Variants in CSMD1 observed in about 807,000 individuals in gnomAD.
The protein encoded by CSMD1 is CUB and sushi domain-containing protein 1.
A neutral mutation model predicts 417.5 loss-of-function variants in CSMD1; 213 were observed. The ratio of observed to expected loss-of-function variants is 0.51; its 90% CI spans 0.46 to 0.57. The LOEUF (loss-of-function observed/expected upper bound fraction) is 0.57, where lower values mean the gene tolerates loss of function less well. CSMD1 is among the 20% of genes least tolerant of loss of function. The probability of loss-of-function intolerance (pLI) is 0.00; values close to 1 mark genes in which losing one functional copy is unlikely to be tolerated. For synonymous variants in CSMD1, 2,862 were observed against 1,736.8 expected, an observed-to-expected ratio of 1.65 and a Z score of -16.11; for missense variants, 6,923 against 4,529.7, an observed-to-expected ratio of 1.53 and a Z score of -15.17.
At chr8:3,698,339 T>G (rs1362822704) in intron 7 of CSMD1, among the ~76,000 whole-genome samples, 1 of 152,358 alleles carries the variant, frequency 6.6e-6, no homozygotes, top group Non-Finnish European at 1.5e-5. Flanking sequence ...AACAGGGTCT[T>G]TAACAATTGC....
At chr8:3,125,953 G>T (rs1191018811) in intron 41 of CSMD1, among the ~76,000 whole-genome samples, 1 of 152,104 alleles carries the variant, frequency 6.6e-6, no homozygotes, top group Non-Finnish European at 1.5e-5. Context: ...CTCCAGCATG[G>T]GTGACAGAGT....
intron 3 of CSMD1, among the ~76,000 whole-genome samples, chr8:4,292,695 A>C (rs1015757055): frequency 6.6e-6 from 1 of 152,154 alleles, no homozygotes; most frequent in Non-Finnish European, 1.5e-5. Flanking sequence ...AAAATGATTC[A>C]GTTTATTTTT....
At chr8:4,182,718 G>T (rs765739863) in intron 3 of CSMD1, among the ~76,000 whole-genome samples, 1 of 151,928 alleles carries the variant, frequency 6.6e-6, no homozygotes, top group Non-Finnish European at 1.5e-5. Context: ...GAAAGAAAAA[G>T]AACAGCTATA....
At chr8:3,412,424 T>G (rs535356421) in intron 12 of CSMD1, among the ~76,000 whole-genome samples, 1 of 152,100 alleles carries the variant, frequency 6.6e-6, no homozygotes, top group Non-Finnish European at 1.5e-5. Flanking sequence ...GTGAGGGATA[T>G]AGAAACGTTC....
intron 25 of CSMD1, among the ~76,000 whole-genome samples, chr8:3,296,773 T>TGGA (rs1390564909): frequency 6.6e-6 from 1 of 152,026 alleles, no homozygotes; most frequent in Non-Finnish European, 1.5e-5. Flanking sequence ...ACTGGAAAAG[T>TGGA]GGAGTTGTCA....
At position 3,097,010 on chromosome 8, in the gene CSMD1, G is replaced by A. The variant is rs1163788129; in HGVS notation, c.6977C>T (p.Thr2326Ile). The A allele has an allele frequency of 6.5e-7, 1 of 1,549,826 alleles. No homozygotes were observed. Among genetic ancestry groups the A allele is most frequent in the South Asian group, 1.2e-5 (1 of 82,762 alleles). ...ACTGAGAATGACTCCCGATGATCCA[G>A]TCCGGACTTCATTTGCTGGGCATTG... ...EAQCPANEVR[T>I]GSSGVILSPG... The change falls in exon 47 of 70, where the codon ACT (threonine) becomes ATT (isoleucine). Residue 2326 changes from threonine to isoleucine, a missense_variant. Thr to Ile is a moderately conservative substitution (Grantham distance 89). Transcript: ENST00000635120.
At position 3,018,782 on chromosome 8, in the gene CSMD1, G is replaced by A. The variant is rs192019810; in HGVS notation, c.7856-132C>T. On this transcript the variant is annotated intron_variant, in intron 51 of 69. Transcript: ENST00000635120. ...AGTCTTAATTTTCACTAAGAACATG[G>A]TTGAGAGTGTCTGCTTAGGGCTGGA... 207 of 784,116 alleles carry A rather than the reference G, an allele frequency of 2.6e-4. No individual in the cohort carries two copies. In the African/African-American group the frequency reaches 3.2e-3, roughly 12 times the overall value. The allele number at this position is 784,116 out of a possible 1,614,324, so 48.6% of individuals were successfully genotyped here.
At chr8:3,326,983 C>T (rs906225020) in intron 23 of CSMD1, among the ~76,000 whole-genome samples, 1 of 151,634 alleles carries the variant, frequency 6.6e-6, no homozygotes, top group Non-Finnish European at 1.5e-5. Flanking sequence ...TCAAGACCTG[C>T]CTGGGCAATA....
At position 4,766,863 on chromosome 8, in the gene CSMD1, T is replaced by A. The variant is rs185769858; in HGVS notation, c.86-129305A>T. ...ATGATTTCTCATATGTATAAATATA[T>A]AAATATACATTAAATCTTATGTTGA... On this transcript the variant is annotated intron_variant, in intron 1 of 69. Coordinates refer to ENST00000635120, the MANE Select transcript of CSMD1 (RefSeq NM_033225.6). Among the ~76,000 whole-genome samples the A allele has an allele frequency of 3.2e-3, 491 of 152,330 alleles. 2 individuals carry two copies. Among genetic ancestry groups the A allele is most frequent in the Admixed American group, 6.5e-3 (100 of 15,300 alleles).
At chr8:3,817,323 C>A (rs1450860619) in intron 5 of CSMD1, among the ~76,000 whole-genome samples, 5 of 117,666 alleles carry the variant, frequency 4.2e-5, no homozygotes, top group Non-Finnish European at 8.1e-5. Context: ...CTGTGTCACC[C>A]AGGCTGGAGT....
intron 3 of CSMD1, among the ~76,000 whole-genome samples, chr8:4,276,457 C>G (rs1447577482): frequency 6.6e-6 from 1 of 152,114 alleles, no homozygotes; most frequent in Non-Finnish European, 1.5e-5. Context: ...GGGAACATCA[C>G]ACACCAGGGC....
intron 3 of CSMD1, among the ~76,000 whole-genome samples, chr8:4,061,299 A>G (rs552255528): frequency 6.6e-6 from 1 of 152,314 alleles, no homozygotes; most frequent in East Asian, 1.9e-4. Context: ...ACATCTTATC[A>G]TACAAGAATT....
At chr8:4,834,980 AGAAAGAAAG>A (rs1264190259) in intron 1 of CSMD1, among the ~76,000 whole-genome samples, 4 of 32,962 alleles carry the variant, frequency 1.2e-4, no homozygotes, top group African/African-American at 2.7e-4. Flanking sequence ...AAAAAAAAAA[AGAAAGAAAG>A]AAAGAAAGAA....
At chr8:3,987,794 G>C (rs1359248532) in intron 5 of CSMD1, among the ~76,000 whole-genome samples, 2 of 152,228 alleles carry the variant, frequency 1.3e-5, no homozygotes, top group Non-Finnish European at 2.9e-5. Flanking sequence ...GCCACGTCAA[G>C]AAGCATAGCC....
chr8:4,723,738 C>G (rs963832), intron 1 of CSMD1, among the ~76,000 whole-genome samples: 130,698 of 148,984 alleles, frequency 0.88, 57,415 homozygotes, highest in African/African-American at 0.92. Context: ...AAGGAATTTT[C>G]ATATGTGCTG....
At chr8:4,877,490 C>G (rs1179613069) in intron 1 of CSMD1, among the ~76,000 whole-genome samples, 1 of 152,002 alleles carries the variant, frequency 6.6e-6, no homozygotes, top group Non-Finnish European at 1.5e-5. Flanking sequence ...AAAGTAGCTC[C>G]TAAAATCTCT....
chr8:3,533,349 T>A (rs778572833), intron 10 of CSMD1, among the ~76,000 whole-genome samples: 1 of 152,216 alleles, frequency 6.6e-6, no homozygotes, highest in African/African-American at 2.4e-5. Context: ...AACTTATTCA[T>A]CTTACATAAG....
rs1360915358 is a variant in CSMD1 at position 3,138,826 on chromosome 8, T to C, written c.6241+3639A>G. Among the ~76,000 whole-genome samples the C allele has an allele frequency of 2.0e-5, 3 of 152,156 alleles. No homozygotes were observed. In the East Asian group the frequency reaches 5.8e-4, roughly 29 times the overall value. ...TAGCCAGAGAGACAGCAGATCCTTA[T>C]AGATGTTGAACGATTTCCTGAAAAT... On this transcript the variant is annotated intron_variant, in intron 41 of 69. Transcript: ENST00000635120.
chr8:4,447,246 C>T (rs372050653), intron 2 of CSMD1, among the ~76,000 whole-genome samples: 4 of 152,128 alleles, frequency 2.6e-5, no homozygotes, highest in South Asian at 2.1e-4. Context: ...TGGATGCTTA[C>T]GTTATAGCAG....
Sources: allele counts gnomAD v4.1 joint callset (sites outside exome capture counted in the v4.1 genomes callset), GRCh38; gene constraint gnomAD v4.1.1; transcripts MANE v1.5; gene names NCBI Gene and HGNC (gene_info 2026-07-23, HGNC 2026-07-21).